The following PRKAG2 variants were observed in gnomAD, a reference collection of about 807,000 sequenced individuals.
The protein encoded by PRKAG2 is protein kinase AMP-activated non-catalytic subunit gamma 2.
Under a neutral mutation model 69.6 loss-of-function variants are expected in PRKAG2, and 26 were observed. The ratio of observed to expected loss-of-function variants is 0.37; its 90% CI spans 0.27 to 0.52. PRKAG2 has a LOEUF of 0.52. PRKAG2 is among the 20% of genes least tolerant of loss of function. The pLI, the probability that PRKAG2 is intolerant of heterozygous loss-of-function variation, is 0.90. For synonymous variants in PRKAG2, 293 were observed against 285.0 expected (o/e 1.03, Z -0.28); for missense variants, 557 against 740.0 (o/e 0.75, Z 2.87).
chr7:151,689,765 C>T (rs1229336493), intron 3 of PRKAG2, among the ~76,000 whole-genome samples: 2 of 152,178 alleles, frequency 1.3e-5, no homozygotes, highest in Non-Finnish European at 2.9e-5. Flanking sequence ...CTGACGCCAC[C>T]CCGGCAGGCC....
intron 1 of PRKAG2, among the ~76,000 whole-genome samples, chr7:151,844,231 A>G (rs10236110): frequency 0.77 from 116,984 of 152,154 alleles, 45,133 homozygotes; most frequent in Middle Eastern, 0.85. Flanking sequence ...ACTACAGACC[A>G]CAGGCAGGCC....
At chr7:151,587,684 C>T (rs928172008) in intron 6 of PRKAG2, among the ~76,000 whole-genome samples, 3 of 152,082 alleles carry the variant, frequency 2.0e-5, no homozygotes, top group Non-Finnish European at 2.9e-5. Flanking sequence ...TGGAAAATAC[C>T]TGACCAACAC....
chr7:151,596,762 TAA>T (rs111510726), intron 5 of PRKAG2, among the ~76,000 whole-genome samples: 1,818 of 149,328 alleles, frequency 0.012, 26 homozygotes, highest in African/African-American at 0.042. Flanking sequence ...TAAATAAAAA[TAA>T]AAAAAAAGAG....
At chr7:151,578,356 A>G (rs577630626) in intron 6 of PRKAG2, among the ~76,000 whole-genome samples, 6 of 152,346 alleles carry the variant, frequency 3.9e-5, no homozygotes, top group African/African-American at 1.4e-4. Flanking sequence ...ACAAGCAAAC[A>G]AACAAATGAA....
intron 1 of PRKAG2, among the ~76,000 whole-genome samples, chr7:151,813,273 A>G (rs4631369): frequency 0.36 from 54,584 of 151,912 alleles, 10,137 homozygotes; most frequent in South Asian, 0.57. Context: ...CCGTAACGCC[A>G]TCAACGCTGG....
intron 3 of PRKAG2, among the ~76,000 whole-genome samples, chr7:151,681,777 G>A (rs1833922499): frequency 1.3e-5 from 2 of 152,072 alleles, no homozygotes; most frequent in African/African-American, 4.8e-5. Flanking sequence ...GACACTTTCT[G>A]CCACAATCAA....
intron 4 of PRKAG2, among the ~76,000 whole-genome samples, chr7:151,670,624 C>G (rs973707957): frequency 6.6e-6 from 1 of 152,208 alleles, no homozygotes; most frequent in African/African-American, 2.4e-5. Flanking sequence ...CGGGTTCTAT[C>G]ACACTCCATT....
At chr7:151,660,162 C>T (rs1219178605) in intron 4 of PRKAG2, among the ~76,000 whole-genome samples, 1 of 152,178 alleles carries the variant, frequency 6.6e-6, no homozygotes, top group Non-Finnish European at 1.5e-5. Flanking sequence ...GTAGTGAACA[C>T]ATAGACTGGT....
At chr7:151,606,733 C>T (rs77356942) in intron 5 of PRKAG2, among the ~76,000 whole-genome samples, 6,803 of 152,038 alleles carry the variant, frequency 0.045, 495 homozygotes, top group African/African-American at 0.15. Context: ...GGTAGAGGAA[C>T]GGCTGGAACC....
At position 151,850,974 on chromosome 7, in the gene PRKAG2, C is replaced by T. The variant is rs551706309; in HGVS notation, c.114+25533G>A. 4.6e-5 allele frequency among the ~76,000 whole-genome samples: 7 copies of T among 152,258 alleles called. No individual in the cohort carries two copies. The highest frequency in any genetic ancestry group is 3.9e-4 in the Admixed American group (6 of 15,292). ...CACGGCCCACAGGGGTACCCCTGCT[C>T]CCCAACCCGCAAATGGGTGGTGAGA... On this transcript the variant is annotated intron_variant, in intron 1 of 15. Coordinates refer to ENST00000287878, the MANE Select transcript of PRKAG2 (RefSeq NM_016203.4). The surrounding 1 kb of genome is among the most constrained non-coding windows in gnomAD (Gnocchi z 4.1).
chr7:151,712,245 C>G (rs190307395), intron 3 of PRKAG2, among the ~76,000 whole-genome samples: 1 of 152,210 alleles, frequency 6.6e-6, no homozygotes, highest in African/African-American at 2.4e-5. Flanking sequence ...AACAATGGGA[C>G]GGGCTCAGGC....
At chr7:151,681,909 G>A (rs1288299173) in intron 3 of PRKAG2, among the ~76,000 whole-genome samples, 5 of 152,136 alleles carry the variant, frequency 3.3e-5, no homozygotes, top group Admixed American at 3.3e-4. Flanking sequence ...ATGACACTGG[G>A]TGACTGCAGA....
At chr7:151,747,862 C>G (rs1304452071) in intron 3 of PRKAG2, among the ~76,000 whole-genome samples, 3 of 151,840 alleles carry the variant, frequency 2.0e-5, no homozygotes, top group Non-Finnish European at 2.9e-5. Context: ...TATAGCATCA[C>G]TCTCAGTGGG....
intron 3 of PRKAG2, among the ~76,000 whole-genome samples, chr7:151,692,489 G>T (rs937116192): frequency 2.0e-5 from 3 of 152,180 alleles, no homozygotes; most frequent in African/African-American, 7.2e-5. Flanking sequence ...TTCTTTGGGT[G>T]TTGGAATTGT....
chr7:151,610,739 C>CTT (rs10523596), intron 5 of PRKAG2, among the ~76,000 whole-genome samples: 2,113 of 105,450 alleles, frequency 0.02, 189 homozygotes, highest in African/African-American at 0.059. Context: ...TTTTTCTTTT[C>CTT]TTTTTTTTTT....
At chr7:151,833,924 T>C (rs928430178) in intron 1 of PRKAG2, among the ~76,000 whole-genome samples, 1 of 152,164 alleles carries the variant, frequency 6.6e-6, no homozygotes, top group Non-Finnish European at 1.5e-5. Flanking sequence ...ACAGCCAGCA[T>C]TTCCACCTCA....
chr7:151,762,551 G>A (rs1294873325), intron 3 of PRKAG2, among the ~76,000 whole-genome samples: 1 of 152,124 alleles, frequency 6.6e-6, no homozygotes, highest in Non-Finnish European at 1.5e-5. Flanking sequence ...ATTCATGGGA[G>A]CAAAATACAG....
At chr7:151,832,512 G>A (rs77457569) in intron 1 of PRKAG2, among the ~76,000 whole-genome samples, 2,013 of 151,932 alleles carry the variant, frequency 0.013, 49 homozygotes, top group African/African-American at 0.047. Context: ...GGGTCAGGGC[G>A]GCTGAACACC....
At position 151,625,092 on chromosome 7, in the gene PRKAG2, T is replaced by C. The variant is rs559473273; in HGVS notation, c.754+6977A>G. 2.0e-5 allele frequency among the ~76,000 whole-genome samples: 3 copies of C among 152,178 alleles called. No individual in the cohort carries two copies. The East Asian group carries it at 5.8e-4, about 29-fold the overall frequency. On this transcript the variant is annotated intron_variant, in intron 5 of 15. Transcript: ENST00000287878. ...AGCTTACAATGTAATGGCAAATAAA[T>C]GGGAGGGGCTACTGGGAAACACAAA...
Sources: gnomAD v4.1 joint callset for allele counts (sites outside exome capture counted in the v4.1 genomes callset) on GRCh38, gnomAD v4.1.1 for gene constraint, Gnocchi (gnomAD v3.1) non-coding constraint, MANE v1.5 for transcripts, NCBI Gene and HGNC (gene_info 2026-07-23, HGNC 2026-07-21) for gene names.